Variants in WDFY2 observed in about 807,000 individuals in gnomAD.
The protein encoded by WDFY2 is WD repeat and FYVE domain containing 2.
In WDFY2, 36 loss-of-function variants were observed where a neutral mutation model predicts 56.4. That is an observed-to-expected ratio of 0.64 (90% CI 0.49 to 0.84). WDFY2 has a LOEUF of 0.84. Among genes scored for constraint, WDFY2 ranks in the 40% least tolerant of loss-of-function variants. The pLI is 0.00. For synonymous variants in WDFY2, 176 were observed against 183.7 expected (o/e 0.96, Z 0.34); for missense variants, 444 against 512.2 (o/e 0.87, Z 1.29).
chr13:51,678,848 T>C (rs1264934953), intron 3 of WDFY2, among the ~76,000 whole-genome samples: 12 of 152,154 alleles, frequency 7.9e-5, no homozygotes, highest in Admixed American at 7.2e-4. Flanking sequence ...GAGTGTGATG[T>C]TGGCAAAGCA....
intron 6 of WDFY2, among the ~76,000 whole-genome samples, chr13:51,737,747 T>G (rs756877629): frequency 6.4e-4 from 98 of 152,114 alleles, no homozygotes; most frequent in Admixed American, 8.5e-4. Context: ...GTGAGCGGCC[T>G]GTCTGCATCC....
At chr13:51,746,061 C>G (rs1016900535) in intron 7 of WDFY2, among the ~76,000 whole-genome samples, 1 of 148,794 alleles carries the variant, frequency 6.7e-6, no homozygotes, top group African/African-American at 2.5e-5. Flanking sequence ...ACTGCAATCT[C>G]CACCTCCAGG....
At chr13:51,671,243 G>A (rs543252342) in intron 2 of WDFY2, among the ~76,000 whole-genome samples, 3 of 152,238 alleles carry the variant, frequency 2.0e-5, no homozygotes, top group Admixed American at 2.0e-4. Flanking sequence ...TAGTGAGATT[G>A]CTGGATCAAA....
chr13:51,674,829 A>G (rs1376690387), intron 2 of WDFY2, among the ~76,000 whole-genome samples: 1 of 152,224 alleles, frequency 6.6e-6, no homozygotes, highest in Non-Finnish European at 1.5e-5. Flanking sequence ...TTGGAGTGGT[A>G]CAGAGAGAGT....
In WDFY2 at chr13:51,727,765, G is replaced by A. The variant is rs1952636143; in HGVS notation, c.573G>A (p.Leu191=). The A allele has an allele frequency of 2.5e-6, 4 of 1,614,038 alleles. No homozygotes were observed. The East Asian group carries it at 8.9e-5, about 36-fold the overall frequency. ...ILKLEQENCT[L]VTTFRGHTGG... ...AACTGGAGCAAGAAAACTGCACCCT[G>A]GTCACAACATTCAGAGGACACACAG... The change falls in exon 6 of 12, where the codon CTG becomes CTA. Residue 191 remains leucine (L), a synonymous_variant. Coordinates refer to ENST00000298125, the MANE Select transcript of WDFY2 (RefSeq NM_052950.4).
At chr13:51,618,219 G>T (rs1454866913) in intron 1 of WDFY2, among the ~76,000 whole-genome samples, 1 of 152,352 alleles carries the variant, frequency 6.6e-6, no homozygotes, top group Admixed American at 6.5e-5. Flanking sequence ...ACAGGAGAGA[G>T]AATTTGTATT....
At chr13:51,658,025 CT>C (rs1273369987) in intron 1 of WDFY2, among the ~76,000 whole-genome samples, 2 of 151,684 alleles carry the variant, frequency 1.3e-5, no homozygotes, top group Non-Finnish European at 2.9e-5. Context: ...TTTTCTTTTC[CT>C]TTTTCTTTGT....
At chr13:51,588,585 C>G (rs1342305314) in intron 1 of WDFY2, 4 of 152,178 alleles carry the variant, frequency 2.6e-5, no homozygotes, top group African/African-American at 9.7e-5. Flanking sequence ...GACCAACAAT[C>G]TCTTCTACAG....
intron 1 of WDFY2, among the ~76,000 whole-genome samples, chr13:51,613,844 A>G (rs147577253): frequency 1.2e-3 from 185 of 152,244 alleles, no homozygotes; most frequent in African/African-American, 4.3e-3. Context: ...TGAATTTTGT[A>G]CTTGAAGTGT....
rs66771214 is a variant in WDFY2, at chr13:51,667,879, C to CTTTTTTTTTTTTTTTTTTTTTTT, written c.205+7224_205+7246dup. On this transcript the variant is annotated intron_variant, in intron 2 of 11. Transcript: ENST00000298125. ...GAAGAAAAAGGTACCTGAGGAACTT[C>CTTTTTTTTTTTTTTTTTTTTTTT]TTTTTTTTTTTTTTTTTTTTTTTTT... Among the ~76,000 whole-genome samples, 11 of 50,046 alleles carry CTTTTTTTTTTTTTTTTTTTTTTT rather than the reference C, an allele frequency of 2.2e-4. 2 individuals are homozygous for CTTTTTTTTTTTTTTTTTTTTTTT. The highest frequency in any genetic ancestry group is 7.0e-4 in the African/African-American group (7 of 10,026). The allele number at this position is 50,046 out of a possible 152,430, so 32.8% of individuals were successfully genotyped here. A position where few individuals can be genotyped will look rare whatever the true frequency, so the allele number is the denominator to read the frequency against.
At chr13:51,718,488 G>A (rs188207542) in intron 4 of WDFY2, among the ~76,000 whole-genome samples, 264 of 151,690 alleles carry the variant, frequency 1.7e-3, no homozygotes, top group African/African-American at 4.8e-3. Context: ...GGAATTACGT[G>A]ATGTGATAAC....
intron 3 of WDFY2, among the ~76,000 whole-genome samples, chr13:51,693,076 C>T (rs1166270065): frequency 6.6e-6 from 1 of 150,738 alleles, no homozygotes; most frequent in Non-Finnish European, 1.5e-5. Context: ...CTATTTGATT[C>T]TTCTCTCTTT....
chr13:51,722,200 T>G (rs1270429483), intron 5 of WDFY2, among the ~76,000 whole-genome samples: 2 of 152,190 alleles, frequency 1.3e-5, no homozygotes, highest in East Asian at 3.9e-4. Flanking sequence ...CTCATTCTCT[T>G]CTATCTCCAC....
intron 1 of WDFY2, among the ~76,000 whole-genome samples, chr13:51,606,392 G>A (rs1427510782): frequency 6.6e-6 from 1 of 152,082 alleles, no homozygotes; most frequent in East Asian, 1.9e-4. Flanking sequence ...TACCTATGCT[G>A]TTATTTCTAT....
chr13:51,614,213 G>A (rs1037883013), intron 1 of WDFY2, among the ~76,000 whole-genome samples: 3 of 147,648 alleles, frequency 2.0e-5, no homozygotes, highest in Admixed American at 1.4e-4. Context: ...AAAAAAAAGT[G>A]TATCTGTGAA....
intron 3 of WDFY2, among the ~76,000 whole-genome samples, chr13:51,700,081 A>T (rs1033345190): frequency 6.6e-6 from 1 of 152,210 alleles, no homozygotes; most frequent in African/African-American, 2.4e-5. Context: ...CTATAATGTG[A>T]TCCTGTTTTT....
chr13:51,757,860 T>C lies in WDFY2; in HGVS notation c.1065-332T>C, dbSNP rs548757674. Among the ~76,000 whole-genome samples the C allele has an allele frequency of 7.2e-5, 11 of 152,022 alleles. No homozygotes were observed. In the South Asian group the frequency reaches 2.3e-3, roughly 32 times the overall value. On this transcript the variant is annotated intron_variant, in intron 10 of 11. Coordinates refer to ENST00000298125, the MANE Select transcript of WDFY2 (RefSeq NM_052950.4). Reference sequence around the variant, plus strand: ...TTTTTTTTTTTTAATTAGACTATTTTACTGGCAAGTCCTTCTGAGCTCAAA... The same window carrying C: ...TTTTTTTTTTTTAATTAGACTATTTCACTGGCAAGTCCTTCTGAGCTCAAA...
intron 1 of WDFY2, among the ~76,000 whole-genome samples, chr13:51,638,821 G>A (rs1349004367): frequency 6.6e-6 from 1 of 152,134 alleles, no homozygotes; most frequent in Non-Finnish European, 1.5e-5. Context: ...GCTTCATTAC[G>A]GAATGGCCTT....
At chr13:51,625,372 G>A (rs2138366999) in intron 1 of WDFY2, among the ~76,000 whole-genome samples, 1 of 152,304 alleles carries the variant, frequency 6.6e-6, no homozygotes, top group South Asian at 2.1e-4. Flanking sequence ...GTGTGTAAAT[G>A]TTTGCACTGT....
Sources: gnomAD v4.1 joint callset for allele counts (sites outside exome capture counted in the v4.1 genomes callset) on GRCh38, gnomAD v4.1.1 for gene constraint, MANE v1.5 for transcripts, NCBI Gene and HGNC (gene_info 2026-07-23, HGNC 2026-07-21) for gene names.